Variants in EIF3B observed in about 807,000 individuals in gnomAD.
EIF3B encodes eukaryotic translation initiation factor 3 subunit 9.
Under a neutral mutation model 104.6 loss-of-function variants are expected in EIF3B, and 10 were observed. That is an observed-to-expected ratio of 0.10 (90% CI 0.06 to 0.16). EIF3B has a LOEUF of 0.16. EIF3B is among the 10% of genes least tolerant of loss of function. The pLI is 1.00. For synonymous variants in EIF3B, 542 were observed against 417.2 expected, an observed-to-expected ratio of 1.30 and a Z score of -3.65; for missense variants, 1,014 against 1,087.9, an observed-to-expected ratio of 0.93 and a Z score of 0.96.
At position 2,378,277 on chromosome 7, in the gene EIF3B, A is replaced by G. The variant is rs1583184776; in HGVS notation, c.2155-412A>G. The G allele has an allele frequency of 2.8e-5, 6 of 215,676 alleles. No homozygotes were observed. In the South Asian group the frequency reaches 3.9e-4, roughly 14 times the overall value. The allele number at this position is 215,676 out of a possible 1,614,324, so 13.4% of individuals were successfully genotyped here. A position where few individuals can be genotyped will look rare whatever the true frequency, so the allele number is the denominator to read the frequency against. On this transcript the variant is annotated intron_variant, in intron 15 of 18. Coordinates refer to ENST00000360876, the MANE Select transcript of EIF3B (RefSeq NM_001037283.2). ...ACTGCTGGGATGCTGTGTTGTGTGAATGACCCTCGGTGTCATGGAGGAAGG... is the reference window on the plus strand; with the variant it reads ...ACTGCTGGGATGCTGTGTTGTGTGAGTGACCCTCGGTGTCATGGAGGAAGG...
At chr7:2,370,023 C>T (rs995643666) in intron 10 of EIF3B, among the ~76,000 whole-genome samples, 1 of 152,078 alleles carries the variant, frequency 6.6e-6, no homozygotes, top group African/African-American at 2.4e-5. Context: ...GTGATCTGCC[C>T]GCCTTGGCCA....
rs759321115 is a variant in EIF3B, at chr7:2,366,578, T to C, written c.1343T>C (p.Ile448Thr). The change falls in exon 8 of 19, where the codon ATC becomes ACC. Residue 448 changes from isoleucine to threonine, a missense_variant. Coordinates refer to ENST00000360876, the MANE Select transcript of EIF3B (RefSeq NM_001037283.2). ...FARMTLDTLS[I>T]YETPSMGLLD... ...AGAATGACCCTGGATACGCTTAGCA[T>C]CTATGAAACTCCTGTAAGTGGCCTC... 1.9e-6 allele frequency: 3 copies of C among 1,614,220 alleles called. No individual in the cohort carries two copies. The highest frequency in any genetic ancestry group is 2.5e-6 in the Non-Finnish European group (3 of 1,180,050).
chr7:2,362,972 G>A (rs759751241), intron 3 of EIF3B, 98 bp from the exon 4 acceptor site: 76 of 1,495,148 alleles, frequency 5.1e-5, no homozygotes, highest in Middle Eastern at 1.7e-4. Context: ...CCCTGGGGGC[G>A]GGCAGGCAGG....
At chr7:2,365,228 G>C (rs1779941233) in intron 6 of EIF3B, among the ~76,000 whole-genome samples, 1 of 152,238 alleles carries the variant, frequency 6.6e-6, no homozygotes, top group Admixed American at 6.5e-5. Flanking sequence ...GGGATTACAG[G>C]CGTGAGCCAC....
rs773064856 is a variant in EIF3B at position 2,366,543 on chromosome 7, A to G, written c.1308A>G (p.Lys436=). 1.2e-6 allele frequency: 2 copies of G among 1,614,116 alleles called. No homozygotes were observed. The highest frequency in any genetic ancestry group is 1.7e-6 in the Non-Finnish European group (2 of 1,180,020). ...WPIFKWSHDG[K]FFARMTLDTL... The stretch of plus-strand genomic sequence containing the variant: ...TTCTTAGGTGGAGCCATGATGGCAA[A>G]TTCTTTGCCAGAATGACCCTGGATA... The change falls in exon 8 of 19, where the codon AAA becomes AAG. Residue 436 remains lysine, a synonymous_variant. Transcript: ENST00000360876.
rs955331859 is a variant in EIF3B at position 2,378,825 on chromosome 7, G to A, written c.2232+59G>A. On this transcript the variant is annotated intron_variant, in intron 16 of 18. Transcript: ENST00000360876. The stretch of plus-strand genomic sequence containing the variant: ...TGACATCCGCCATCATGGCAAAGGC[G>A]GGGCTGCGGGGAGCTGCTGTGTATG... 104 of 1,448,286 alleles carry A rather than the reference G, an allele frequency of 7.2e-5. 1 individual carries two copies. Among genetic ancestry groups the A allele is most frequent in the South Asian group, 6.2e-4 (54 of 86,814 alleles). 89.7% of individuals were successfully genotyped at this position (1,448,286 alleles called of 1,614,324 possible). A position where few individuals can be genotyped will look rare whatever the true frequency, so the allele number is the denominator to read the frequency against.
At position 2,370,481 on chromosome 7, in the gene EIF3B, CA is replaced by C. The variant is rs567485559; in HGVS notation, c.1614+808del. On this transcript the variant is annotated intron_variant, in intron 10 of 18. Transcript: ENST00000360876. ...GGCGACAGAGCCAGACTGCGTCTCA[CA>C]AAAAAAAAGAAATTCCTGAGTTTTC... is the stretch of plus-strand genomic sequence containing the variant. Among the ~76,000 whole-genome samples, 610 of 150,578 alleles carry C rather than the reference CA, an allele frequency of 4.1e-3. 7 individuals carry two copies. Among genetic ancestry groups the C allele is most frequent in the African/African-American group, 0.014 (576 of 41,078 alleles).
intron 9 of EIF3B, 48 bp from the exon 10 acceptor site, chr7:2,369,424 C>A: frequency 6.3e-7 from 1 of 1,579,510 alleles, no homozygotes; most frequent in South Asian, 1.1e-5. Flanking sequence ...TTTTCAGTTT[C>A]GTCATCACTT....
chr7:2,358,834 C>G (rs1422253154), intron 1 of EIF3B, among the ~76,000 whole-genome samples: 1 of 152,174 alleles, frequency 6.6e-6, no homozygotes, highest in African/African-American at 2.4e-5. Context: ...TGGCCGTGTT[C>G]TAAATTCTGA....
At chr7:2,367,302 C>G (rs911948066) in intron 9 of EIF3B, among the ~76,000 whole-genome samples, 3 of 151,928 alleles carry the variant, frequency 2.0e-5, no homozygotes, top group African/African-American at 7.3e-5. Context: ...TCTGTAAAGT[C>G]TCTCATCTCA....
At position 2,380,464 on chromosome 7, in the gene EIF3B, C is replaced by A. The variant is rs779214531; in HGVS notation, c.*275C>A. 5 of 508,124 alleles carry A rather than the reference C, an allele frequency of 9.8e-6. No individual in the cohort carries two copies. The highest frequency in any genetic ancestry group is 8.1e-5 in the Admixed American group (4 of 49,298). The allele number at this position is 508,124 out of a possible 1,614,324, so 31.5% of individuals were successfully genotyped here. Reference sequence around the variant, plus strand: ...TTAAGGCACCCGCTTCCACTTCTTTCTTGTTTGGAGTTTTCTGTTGGAACC... The same window carrying A: ...TTAAGGCACCCGCTTCCACTTCTTTATTGTTTGGAGTTTTCTGTTGGAACC... On this transcript the variant is annotated 3_prime_UTR_variant, in exon 19 of 19. Coordinates refer to ENST00000360876, the MANE Select transcript of EIF3B (RefSeq NM_001037283.2).
chr7:2,361,952 C>CTTATTTATTTATTTATTTAT (rs60402825), intron 2 of EIF3B, among the ~76,000 whole-genome samples: 10 of 148,636 alleles, frequency 6.7e-5, no homozygotes, highest in South Asian at 2.2e-4. Context: ...TGCTTGCTTG[C>CTTATTTATTTATTTATTTAT]TTATTTATTT....
In EIF3B at chr7:2,366,455, G is replaced by T. The variant is rs1402116760; in HGVS notation, c.1289+7G>T. The T allele has an allele frequency of 6.2e-7, 1 of 1,614,002 alleles. No individual in the cohort carries two copies. The highest frequency in any genetic ancestry group is 1.7e-5 in the Admixed American group (1 of 59,988). ...CCCATTGGCCTATTTTTAAGTAAGT[G>T]GACCATTGTAACGAGCTCTGTAGCC... On this transcript the variant is annotated splice_region_variant and intron_variant, in intron 7 of 18. Transcript: ENST00000360876.
At chr7:2,376,808 C>T in intron 14 of EIF3B, 142 bp from the exon 15 acceptor site, 1 of 1,265,266 alleles carries the variant, frequency 7.9e-7, no homozygotes, top group African/African-American at 1.5e-5. Flanking sequence ...GCCCACCTAC[C>T]CTGCTGTCAG....
intron 6 of EIF3B, among the ~76,000 whole-genome samples, chr7:2,365,432 C>T (rs1483255336): frequency 8.5e-5 from 13 of 152,174 alleles, no homozygotes; most frequent in African/African-American, 2.2e-4. Flanking sequence ...CAGTGCGAGG[C>T]GAGCTGGGGC....
intron 6 of EIF3B, among the ~76,000 whole-genome samples, chr7:2,365,142 G>A (rs1214271018): frequency 6.6e-6 from 1 of 152,104 alleles, no homozygotes; most frequent in Non-Finnish European, 1.5e-5. Flanking sequence ...TAGAGATGGG[G>A]GTCTCACTTT....
chr7:2,366,157 G>A (rs917904587), intron 6 of EIF3B, among the ~76,000 whole-genome samples, 160 bp from the exon 7 acceptor site: 1 of 152,114 alleles, frequency 6.6e-6, no homozygotes, highest in Non-Finnish European at 1.5e-5. Flanking sequence ...AACAAGCGCC[G>A]CTGCTTCCCG....
chr7:2,366,953 A>C (rs770967844), intron 8 of EIF3B, 46 bp from the exon 9 acceptor site: 4 of 1,585,760 alleles, frequency 2.5e-6, no homozygotes, highest in Non-Finnish European at 3.4e-6. Flanking sequence ...TTTCTGAGAC[A>C]CTGACATGAT....
chr7:2,380,396 A>T lies in EIF3B; in HGVS notation c.*207A>T, dbSNP rs564174305. 1.9e-6 allele frequency: 1 copy of T among 518,606 alleles called. No individual in the cohort carries two copies. The highest frequency in any genetic ancestry group is 1.9e-5 in the African/African-American group (1 of 51,920). The allele number at this position is 518,606 out of a possible 1,614,324, so 32.1% of individuals were successfully genotyped here. On this transcript the variant is annotated 3_prime_UTR_variant, in exon 19 of 19. Transcript: ENST00000360876. ...TGCGCCTGGATTCTGCCATTGCGACACATTTTTGTGCCTTTCAGCCCCTGG... is the reference window on the plus strand; with the variant it reads ...TGCGCCTGGATTCTGCCATTGCGACTCATTTTTGTGCCTTTCAGCCCCTGG...
Sources: gnomAD v4.1 joint callset for allele counts (sites outside exome capture counted in the v4.1 genomes callset) on GRCh38, gnomAD v4.1.1 for gene constraint, MANE v1.5 for transcripts, NCBI Gene and HGNC (gene_info 2026-07-23, HGNC 2026-07-21) for gene names.